SLC4A4: variants seen among roughly 807,000 people sequenced by gnomAD.
SLC4A4 encodes the protein electrogenic sodium bicarbonate cotransporter 1.
A neutral mutation model predicts 111.5 loss-of-function variants in SLC4A4; 27 were observed. That is an observed-to-expected ratio of 0.24 (90% CI 0.18 to 0.33). SLC4A4 has a LOEUF of 0.33. Ranked by LOEUF, SLC4A4 falls within the 10% of genes least tolerant of loss-of-function variation. The probability of loss-of-function intolerance (pLI) is 1.00; values close to 1 mark genes in which losing one functional copy is unlikely to be tolerated. For synonymous variants in SLC4A4, 443 were observed against 463.4 expected, an observed-to-expected ratio of 0.96 and a Z score of 0.57; for missense variants, 909 against 1,315.5, an observed-to-expected ratio of 0.69 and a Z score of 4.78.
intron 3 of SLC4A4, among the ~76,000 whole-genome samples, chr4:71,284,949 G>A (rs900031779): frequency 2.6e-5 from 4 of 152,120 alleles, no homozygotes; most frequent in African/African-American, 4.8e-5. Context: ...ATCTGATTAG[G>A]CCGTTATTTA....
chr4:71,397,740 C>A, intron 7 of SLC4A4, 87 bp downstream of exon 7: 1 of 1,194,200 alleles, frequency 8.4e-7, no homozygotes, highest in South Asian at 1.2e-5. Flanking sequence ...ATGGTTGCTT[C>A]ACTTAAAATG....
chr4:71,494,136 C>T (rs1730190559), intron 15 of SLC4A4, among the ~76,000 whole-genome samples: 1 of 151,966 alleles, frequency 6.6e-6, no homozygotes, highest in South Asian at 2.1e-4. Context: ...TCTCCTAGAT[C>T]TAGGTCTCAG....
At position 71,114,424 on chromosome 4, in the gene SLC4A4, G is replaced by A. The variant is rs530929903; in HGVS notation, c.-2+21632G>A. Among the ~76,000 whole-genome samples the A allele has an allele frequency of 7.4e-3, 1,108 of 149,612 alleles. 7 individuals carry two copies. The highest frequency in any genetic ancestry group is 0.015 in the Admixed American group (225 of 14,978). On this transcript the variant is annotated intron_variant, in intron 2 of 26. Coordinates refer to the SLC4A4 transcript ENST00000649996. ...ACCTACAAAATGGGAGAAAATTTTC[G>A]CAACCTACTCATCTGACAAAGGGCT...
At chr4:71,489,385 G>T (rs1177353679) in intron 15 of SLC4A4, among the ~76,000 whole-genome samples, 2 of 151,768 alleles carry the variant, frequency 1.3e-5, no homozygotes, top group Non-Finnish European at 2.9e-5. Flanking sequence ...TGGTTCAAGT[G>T]CAGGGCTCCA....
At chr4:71,411,848 T>C (rs1275591626) in intron 7 of SLC4A4, among the ~76,000 whole-genome samples, 1 of 152,198 alleles carries the variant, frequency 6.6e-6, no homozygotes, top group African/African-American at 2.4e-5. Context: ...CCTAGTGATG[T>C]TGCTGTAAGC....
At chr4:71,443,114 CTCTATATATATATATATATATA>C (rs1436547961) in intron 8 of SLC4A4, among the ~76,000 whole-genome samples, 4 of 90,296 alleles carry the variant, frequency 4.4e-5, no homozygotes, top group Admixed American at 1.1e-4. Flanking sequence ...CTCTCTCTCT[CTCTATATATATATATATATATA>C]TATATATATA....
chr4:71,146,036 T>C (rs1744155641), intron 2 of SLC4A4, among the ~76,000 whole-genome samples: 1 of 151,850 alleles, frequency 6.6e-6, no homozygotes, highest in African/African-American at 2.4e-5. Flanking sequence ...TTAATTGTGA[T>C]GTTAGGGTGT....
At chr4:71,200,203 T>G (rs1746186490) in intron 1 of SLC4A4, among the ~76,000 whole-genome samples, 1 of 152,016 alleles carries the variant, frequency 6.6e-6, no homozygotes, top group Non-Finnish European at 1.5e-5. Context: ...GAAGAGGAAA[T>G]CATATTTTGA....
At chr4:71,541,125 G>A (rs935319395) in intron 18 of SLC4A4, among the ~76,000 whole-genome samples, 1 of 152,164 alleles carries the variant, frequency 6.6e-6, no homozygotes, top group African/African-American at 2.4e-5. Context: ...CGTCCCTTGG[G>A]AGTGGAGATG....
At chr4:71,169,474 T>C (rs1744879349) in intron 2 of SLC4A4, among the ~76,000 whole-genome samples, 2 of 152,204 alleles carry the variant, frequency 1.3e-5, no homozygotes, top group Admixed American at 1.3e-4. Context: ...CCTTTTCATA[T>C]ACCTGTTTGC....
chr4:71,257,198 T>C (rs1413103442), intron 3 of SLC4A4, among the ~76,000 whole-genome samples: 1 of 152,178 alleles, frequency 6.6e-6, no homozygotes, highest in Non-Finnish European at 1.5e-5. Flanking sequence ...GGCAATCCAT[T>C]CTCTTTCCCC....
intron 14 of SLC4A4, among the ~76,000 whole-genome samples, chr4:71,475,336 A>G (rs1483313955): frequency 6.6e-6 from 1 of 151,892 alleles, no homozygotes; most frequent in Non-Finnish European, 1.5e-5. Context: ...GAAACCAAGG[A>G]AGACATATCT....
intron 11 of SLC4A4, among the ~76,000 whole-genome samples, chr4:71,453,145 G>A (rs1725919041): frequency 6.6e-6 from 1 of 152,086 alleles, no homozygotes. Context: ...GGGTGGAAAG[G>A]GTACTATGGC....
chr4:71,366,815 T>A (rs1393941784), intron 6 of SLC4A4, among the ~76,000 whole-genome samples: 1 of 152,202 alleles, frequency 6.6e-6, no homozygotes, highest in African/African-American at 2.4e-5. Context: ...AAAAGCAACA[T>A]GAAAGGGTTA....
chr4:71,564,023 A>C, intron 24 of SLC4A4, 134 bp downstream of exon 24: 2 of 665,150 alleles, frequency 3.0e-6, no homozygotes, highest in African/African-American at 3.6e-5. Flanking sequence ...ATTTACACTT[A>C]ATTATAATAA....
chr4:71,190,475 GC>G (rs1461805358), intron 1 of SLC4A4, among the ~76,000 whole-genome samples: 2 of 151,496 alleles, frequency 1.3e-5, no homozygotes, highest in African/African-American at 4.9e-5. Context: ...TTTGTCGGAA[GC>G]CATATTAACT....
chr4:71,566,995 A>G lies in SLC4A4; in HGVS notation c.3197-9A>G, dbSNP rs1037356639. Reference sequence around the variant, plus strand: ...ACCATTTATGTTTTTAAAAAATTTTATTTTCCAGGAGAAAGATCACCAACA... The same window carrying G: ...ACCATTTATGTTTTTAAAAAATTTTGTTTTCCAGGAGAAAGATCACCAACA... On this transcript the variant is annotated splice_polypyrimidine_tract_variant and intron_variant, in intron 24 of 25. Coordinates refer to ENST00000264485, the MANE Select transcript of SLC4A4 (RefSeq NM_001098484.3). 2.5e-6 allele frequency: 4 copies of G among 1,607,670 alleles called. No individual in the cohort carries two copies. Among genetic ancestry groups the G allele is most frequent in the Admixed American group, 3.4e-5 (2 of 59,410 alleles).
chr4:71,143,042 C>T (rs1384629205), intron 2 of SLC4A4, among the ~76,000 whole-genome samples: 1 of 151,996 alleles, frequency 6.6e-6, no homozygotes, highest in Non-Finnish European at 1.5e-5. Flanking sequence ...TGGTGTGCTG[C>T]ACCCAGTAAC....
intron 1 of SLC4A4, among the ~76,000 whole-genome samples, chr4:71,081,563 C>T (rs1290391414): frequency 2.0e-5 from 3 of 152,212 alleles, no homozygotes; most frequent in East Asian, 1.9e-4. Context: ...CCTTGCTCTA[C>T]GTTACAGTGA....
Sources: gnomAD v4.1 joint callset for allele counts (sites outside exome capture counted in the v4.1 genomes callset) on GRCh38, gnomAD v4.1.1 for gene constraint, MANE v1.5 for transcripts, NCBI Gene and HGNC (gene_info 2026-07-23, HGNC 2026-07-21) for gene names.